Variants in MPHOSPH6 observed in about 807,000 individuals in gnomAD.
The protein encoded by MPHOSPH6 is M-phase phosphoprotein 6.
A neutral mutation model predicts 21.8 loss-of-function variants in MPHOSPH6; 25 were observed. The observed-to-expected ratio is 1.15, with a 90% CI of 0.83 to 1.60. The LOEUF (loss-of-function observed/expected upper bound fraction) is 1.60, where lower values mean the gene tolerates loss of function less well. Among genes scored for constraint, MPHOSPH6 ranks in the 40% most tolerant of loss-of-function variants. MPHOSPH6 has a pLI of 0.00. For synonymous variants in MPHOSPH6, 84 were observed against 56.5 expected (o/e 1.49, Z -2.18); for missense variants, 269 against 181.8 (o/e 1.48, Z -2.76).
rs376035171 is a variant in MPHOSPH6 at position 82,155,450 on chromosome 16, T to C, written c.165-3936A>G. On this transcript the variant is annotated intron_variant, in intron 2 of 4. Coordinates refer to ENST00000258169, the MANE Select transcript of MPHOSPH6 (RefSeq NM_005792.2). ...AAAACTACTTGTCAGTGAGTCAATT[T>C]AGCATTACAGAATACGAAGTCAACG... 2.0e-5 allele frequency among the ~76,000 whole-genome samples: 3 copies of C among 152,202 alleles called. No homozygotes were observed. In the East Asian group the frequency reaches 5.8e-4, roughly 29 times the overall value.
chr16:82,156,841 C>CGATCACCTGA (rs929257957), intron 2 of MPHOSPH6, among the ~76,000 whole-genome samples: 16 of 151,990 alleles, frequency 1.1e-4, no homozygotes, highest in Non-Finnish European at 2.1e-4. Flanking sequence ...CCGAGGCCAG[C>CGATCACCTGA]GATCACCTGA....
chr16:82,149,935 C>A (rs1906210354), intron 3 of MPHOSPH6, among the ~76,000 whole-genome samples: 1 of 151,912 alleles, frequency 6.6e-6, no homozygotes, highest in Admixed American at 6.6e-5. Context: ...ATAATGCATC[C>A]CATGTAACAT....
chr16:82,165,658 T>C (rs1906750184), intron 1 of MPHOSPH6, among the ~76,000 whole-genome samples: 1 of 90,938 alleles, frequency 1.1e-5, no homozygotes, highest in Non-Finnish European at 2.6e-5. Flanking sequence ...TAGATATGTT[T>C]AGATACACAG....
intron 2 of MPHOSPH6, among the ~76,000 whole-genome samples, chr16:82,154,757 C>G (rs1483732568): frequency 6.6e-6 from 1 of 152,052 alleles, no homozygotes; most frequent in Non-Finnish European, 1.5e-5. Flanking sequence ...TACTAAAAAT[C>G]TTTTCACAGA....
intron 1 of MPHOSPH6, among the ~76,000 whole-genome samples, chr16:82,168,471 T>TC (rs1555541288): frequency 1.5e-5 from 2 of 132,216 alleles, no homozygotes; most frequent in Non-Finnish European, 3.0e-5. Flanking sequence ...TTACTCTCTC[T>TC]CTTTTTTTTT....
intron 2 of MPHOSPH6, chr16:82,162,330 AAAC>A (rs1400755087): frequency 1.3e-5 from 2 of 152,238 alleles, no homozygotes. Flanking sequence ...AGAGTGTTAA[AAAC>A]AACAACTCAA....
intron 2 of MPHOSPH6, among the ~76,000 whole-genome samples, chr16:82,163,552 T>A (rs1295000382): frequency 6.6e-6 from 1 of 152,200 alleles, no homozygotes; most frequent in Admixed American, 6.5e-5. Flanking sequence ...GTTCCTAAGT[T>A]TGCTACGAAG....
chr16:82,160,169 G>C (rs531240718), intron 2 of MPHOSPH6, among the ~76,000 whole-genome samples: 1 of 152,282 alleles, frequency 6.6e-6, no homozygotes, highest in East Asian at 1.9e-4. Flanking sequence ...GTATCTACAT[G>C]CATGGTTTTA....
intron 1 of MPHOSPH6, among the ~76,000 whole-genome samples, chr16:82,166,659 G>C (rs1906791173): frequency 6.6e-6 from 1 of 150,886 alleles, no homozygotes; most frequent in South Asian, 2.1e-4. Context: ...CTCAGTGAAA[G>C]TTCTCTGAAT....
intron 1 of MPHOSPH6, 62 bp from the exon 2 acceptor site, chr16:82,164,256 A>C (rs1365024918): frequency 2.3e-5 from 25 of 1,087,544 alleles, no homozygotes. Context: ...AGGAAACCCC[A>C]AATAATTTTC....
At chr16:82,152,584 G>C (rs745435961) in intron 2 of MPHOSPH6, among the ~76,000 whole-genome samples, 3 of 152,124 alleles carry the variant, frequency 2.0e-5, no homozygotes, top group Non-Finnish European at 4.4e-5. Context: ...ATTGGAAGAC[G>C]GGCAGAAATA....
At chr16:82,168,142 C>G (rs1906847152) in intron 1 of MPHOSPH6, among the ~76,000 whole-genome samples, 1 of 150,882 alleles carries the variant, frequency 6.6e-6, no homozygotes, top group African/African-American at 2.4e-5. Context: ...AAGTTAATTT[C>G]TTTCTTCTTA....
rs376334517 is a variant in MPHOSPH6 at position 82,170,145 on chromosome 16, T to C, written c.31A>G (p.Lys11Glu). 1.1e-5 allele frequency: 17 copies of C among 1,595,814 alleles called. No homozygotes were observed. The highest frequency in any genetic ancestry group is 2.3e-5 in the East Asian group (1 of 42,832). Residue 11 changes from lysine (K) to glutamate (E), a missense_variant, in exon 1 of 5, where the codon AAG becomes GAG. Coordinates refer to ENST00000258169, the MANE Select transcript of MPHOSPH6 (RefSeq NM_005792.2). ...CGCACCTTCATGCGCAGTAGATTCTTGGACAACCTTGTCTTTCGCTCGGCC... is the reference window on the plus strand; with the variant it reads ...CGCACCTTCATGCGCAGTAGATTCTCGGACAACCTTGTCTTTCGCTCGGCC... MAAERKTRLS[K>E]NLLRMKFMQR... is the part of the protein sequence containing the mutation.
At chr16:82,169,980 C>A in intron 1 of MPHOSPH6, 145 bp downstream of exon 1, 1 of 932,748 alleles carries the variant, frequency 1.1e-6, no homozygotes, top group Non-Finnish European at 1.5e-6. Flanking sequence ...GCAGAGCAGG[C>A]GCTAAGTGAA....
At chr16:82,168,152 A>C (rs1370991038) in intron 1 of MPHOSPH6, among the ~76,000 whole-genome samples, 1 of 151,994 alleles carries the variant, frequency 6.6e-6, no homozygotes, top group Non-Finnish European at 1.5e-5. Context: ...CTTTCTTCTT[A>C]GTTGCAACTC....
intron 1 of MPHOSPH6, among the ~76,000 whole-genome samples, chr16:82,167,374 A>C: frequency 6.6e-6 from 1 of 152,316 alleles, no homozygotes; most frequent in East Asian, 1.9e-4. Context: ...AGTGGTCCCC[A>C]ACCTTTTTGG....
At chr16:82,169,634 AAAG>A (rs1454867972) in intron 1 of MPHOSPH6, among the ~76,000 whole-genome samples, 2 of 152,232 alleles carry the variant, frequency 1.3e-5, no homozygotes, top group African/African-American at 4.8e-5. Context: ...AACTCTACTA[AAAG>A]AAGTATTATC....
intron 2 of MPHOSPH6, among the ~76,000 whole-genome samples, chr16:82,152,891 TAA>T (rs905927836): frequency 2.0e-5 from 3 of 152,202 alleles, no homozygotes; most frequent in South Asian, 2.1e-4. Context: ...CTGATTCTCA[TAA>T]AGATTCCCTT....
At chr16:82,160,065 G>A (rs1906558251) in intron 2 of MPHOSPH6, among the ~76,000 whole-genome samples, 1 of 152,172 alleles carries the variant, frequency 6.6e-6, no homozygotes, top group Admixed American at 6.5e-5. Flanking sequence ...GGTCAGGACT[G>A]GATTCAGAGC....
Sources: allele counts gnomAD v4.1 joint callset (sites outside exome capture counted in the v4.1 genomes callset), GRCh38; gene constraint gnomAD v4.1.1; transcripts MANE v1.5; gene names NCBI Gene and HGNC (gene_info 2026-07-23, HGNC 2026-07-21).